The following MEGF11 variants were observed in gnomAD, a reference collection of about 807,000 sequenced individuals.
MEGF11 encodes the protein multiple epidermal growth factor-like domains protein 11.
MEGF11 carries 126 observed loss-of-function variants against 146.6 expected under a neutral mutation model. That is an observed-to-expected ratio of 0.86 (90% CI 0.74 to 1.00). The LOEUF is 1.00. MEGF11 is among the 50% of genes least tolerant of loss of function. The probability of loss-of-function intolerance (pLI) is 0.00; values close to 1 mark genes in which losing one functional copy is unlikely to be tolerated. For missense variants in MEGF11, 1,509 were observed against 1,521.2 expected (o/e 0.99, Z 0.13); for synonymous variants, 532 against 583.4 (o/e 0.91, Z 1.27).
chr15:66,194,463 C>G (rs2090958444), intron 1 of MEGF11, among the ~76,000 whole-genome samples: 1 of 152,068 alleles, frequency 6.6e-6, no homozygotes, highest in Non-Finnish European at 1.5e-5. Context: ...ATGAAATTAT[C>G]CGGGTGTGGT....
chr15:66,105,723 G>C (rs1329363193), intron 4 of MEGF11, among the ~76,000 whole-genome samples: 1 of 152,246 alleles, frequency 6.6e-6, no homozygotes, highest in African/African-American at 2.4e-5. Context: ...AATTTCTGCA[G>C]CTTATGCATT....
intron 1 of MEGF11, among the ~76,000 whole-genome samples, chr15:66,212,161 A>G (rs1225292809): frequency 6.6e-6 from 1 of 151,908 alleles, no homozygotes; most frequent in Non-Finnish European, 1.5e-5. Flanking sequence ...AGCCCACACA[A>G]GAGCAAGCCT....
intron 5 of MEGF11, among the ~76,000 whole-genome samples, chr15:66,070,772 G>T (rs1168073674): frequency 6.6e-6 from 1 of 152,186 alleles, no homozygotes; most frequent in African/African-American, 2.4e-5. Flanking sequence ...AGGCTGTCGA[G>T]GAAGTGGGGG....
chr15:66,133,474 C>A (rs993537825), intron 1 of MEGF11, among the ~76,000 whole-genome samples: 10 of 152,250 alleles, frequency 6.6e-5, no homozygotes, highest in African/African-American at 2.4e-4. Context: ...GATACACACA[C>A]ACTTCTCTAC....
intron 4 of MEGF11, among the ~76,000 whole-genome samples, chr15:66,100,065 A>G (rs1366899044): frequency 6.7e-6 from 1 of 150,112 alleles, no homozygotes; most frequent in Non-Finnish European, 1.5e-5. Context: ...ATGAAGCCCC[A>G]GTGGTTGCGC....
chr15:66,000,942 G>A (rs1483485105), intron 5 of MEGF11, among the ~76,000 whole-genome samples: 1 of 152,176 alleles, frequency 6.6e-6, no homozygotes, highest in Non-Finnish European at 1.5e-5. Context: ...TGGGCTTAAA[G>A]GATGGGGTGG....
intron 5 of MEGF11, among the ~76,000 whole-genome samples, chr15:66,066,111 GCCTC>G (rs1286361963): frequency 6.6e-6 from 1 of 152,194 alleles, no homozygotes; most frequent in African/African-American, 2.4e-5. Context: ...TGTGGGTTTG[GCCTC>G]CCTAAGAACT....
intron 4 of MEGF11, among the ~76,000 whole-genome samples, chr15:66,112,219 A>T (rs78247694): frequency 0.019 from 2,850 of 152,288 alleles, 45 homozygotes; most frequent in Middle Eastern, 0.027. Context: ...TCTGAAAGAG[A>T]CTATAAAAGA....
chr15:66,242,270 A>T (rs1273295050), intron 1 of MEGF11, among the ~76,000 whole-genome samples: 1 of 151,868 alleles, frequency 6.6e-6, no homozygotes, highest in Non-Finnish European at 1.5e-5. Context: ...TTATCCTGGC[A>T]TGCCAGTGCA....
At chr15:65,898,437 CAAT>C in intron 25 of MEGF11, 1 of 985,370 alleles carries the variant, frequency 1.0e-6, no homozygotes, top group Non-Finnish European at 1.2e-6. Flanking sequence ...TTTGTATCAA[CAAT>C]CTGTGTGTGT....
At position 66,128,388 on chromosome 15, in the gene MEGF11, T is replaced by A; in HGVS notation, c.16A>T (p.Thr6Ser). The change falls in exon 2 of 26, where the codon ACG becomes TCG. Residue 6 changes from threonine (T) to serine (S), a missense_variant. Thr to Ser is a moderately conservative substitution (Grantham distance 58). Transcript: ENST00000395614. Reference sequence around the variant, plus strand: ...AGGAAGGAGAAGGCAATGAGCCCCGTCAGGGAGAGCACCATCCCGGGCCCT... The same window carrying A: ...AGGAAGGAGAAGGCAATGAGCCCCGACAGGGAGAGCACCATCCCGGGCCCT... MVLSLTGLIAFSFLQA... is the reference protein window; with the variant it reads MVLSLSGLIAFSFLQA... 1 of 1,516,644 alleles carries A rather than the reference T, an allele frequency of 6.6e-7. No individual in the cohort carries two copies. Among genetic ancestry groups the A allele is most frequent in the Non-Finnish European group, 8.8e-7 (1 of 1,130,572 alleles). The allele number at this position is 1,516,644 out of a possible 1,614,324, so 93.9% of individuals were successfully genotyped here. A position where few individuals can be genotyped will look rare whatever the true frequency, so the allele number is the denominator to read the frequency against.
chr15:66,201,195 T>C (rs2091148786), intron 1 of MEGF11, among the ~76,000 whole-genome samples: 1 of 152,104 alleles, frequency 6.6e-6, no homozygotes, highest in Non-Finnish European at 1.5e-5. Flanking sequence ...AGGTCCTCGC[T>C]TCTCCCTCAT....
At chr15:66,188,081 C>T (rs915097592) in intron 1 of MEGF11, among the ~76,000 whole-genome samples, 3 of 152,024 alleles carry the variant, frequency 2.0e-5, no homozygotes, top group Non-Finnish European at 4.4e-5. Flanking sequence ...TGTAGGACAT[C>T]GAGCAGCATC....
intron 19 of MEGF11, among the ~76,000 whole-genome samples, chr15:65,915,068 G>C (rs1251289225): frequency 6.6e-6 from 1 of 152,198 alleles, no homozygotes; most frequent in Non-Finnish European, 1.5e-5. Flanking sequence ...GTGTCATGGG[G>C]GAAGATGATT....
At position 66,012,409 on chromosome 15, in the gene MEGF11, G is replaced by C. The variant is rs59222979; in HGVS notation, c.395-29921C>G. ...GGCTCTTGTGGTGTGGGGGAGTCTG[G>C]GACTCATGTGGGATGACAGACCCCA... On this transcript the variant is annotated intron_variant, in intron 5 of 25. Coordinates refer to ENST00000395614, the MANE Select transcript of MEGF11 (RefSeq NM_001385028.1). 7.0e-4 allele frequency among the ~76,000 whole-genome samples: 106 copies of C among 152,274 alleles called. 3 individuals are homozygous for C. In the East Asian group the frequency reaches 0.016, roughly 23 times the overall value.
At chr15:66,101,529 C>T (rs1339717336) in intron 4 of MEGF11, among the ~76,000 whole-genome samples, 1 of 152,212 alleles carries the variant, frequency 6.6e-6, no homozygotes, top group South Asian at 2.1e-4. Context: ...TCTGGTTTGC[C>T]CCATAGGCCA....
chr15:65,916,675 G>A (rs1380595558), intron 17 of MEGF11, 153 bp downstream of exon 17: 3 of 1,327,230 alleles, frequency 2.3e-6, no homozygotes, highest in Admixed American at 2.0e-5. Flanking sequence ...CCCCTGCAGA[G>A]CTCCTCAGTT....
At chr15:66,002,497 AG>A (rs2141840831) in intron 5 of MEGF11, among the ~76,000 whole-genome samples, 1 of 152,308 alleles carries the variant, frequency 6.6e-6, no homozygotes, top group African/African-American at 2.4e-5. Flanking sequence ...CTGGGCATTA[AG>A]GTATAGGAAT....
chr15:65,973,127 A>T (rs983948092), intron 7 of MEGF11, among the ~76,000 whole-genome samples: 2 of 151,996 alleles, frequency 1.3e-5, no homozygotes, highest in Non-Finnish European at 2.9e-5. Context: ...CAAAAAAAAA[A>T]AAAAAAGAAT....
Sources: allele counts gnomAD v4.1 joint callset (sites outside exome capture counted in the v4.1 genomes callset), GRCh38; gene constraint gnomAD v4.1.1; transcripts MANE v1.5; gene names NCBI Gene and HGNC (gene_info 2026-07-23, HGNC 2026-07-21).